LRRC39: variants seen among roughly 807,000 people sequenced by gnomAD.
LRRC39 encodes leucine rich repeat containing 39, also known as leucine-rich repeat-containing protein 39.
A neutral mutation model predicts 39.7 loss-of-function variants in LRRC39; 35 were observed. That is an observed-to-expected ratio of 0.88 (90% CI 0.67 to 1.17). The LOEUF (loss-of-function observed/expected upper bound fraction) is 1.17, where lower values mean the gene tolerates loss of function less well. LRRC39 is among the 50% of genes most tolerant of loss of function. LRRC39 has a pLI of 0.00. For missense variants in LRRC39, 357 were observed against 385.8 expected (o/e 0.93, Z 0.62); for synonymous variants, 113 against 134.1 (o/e 0.84, Z 1.09).
At chr1:100,171,382 T>C (rs906865988) in intron 2 of LRRC39, among the ~76,000 whole-genome samples, 1 of 152,038 alleles carries the variant, frequency 6.6e-6, no homozygotes, top group African/African-American at 2.4e-5. Context: ...GGGATTAAAG[T>C]AGCATGAAGT....
At chr1:100,151,816 G>A (rs571579) in intron 9 of LRRC39, among the ~76,000 whole-genome samples, 113,792 of 151,998 alleles carry the variant, frequency 0.75, 45,235 homozygotes, top group East Asian at 0.94. Flanking sequence ...GGCATGCACT[G>A]ATAGCCCCAG....
At chr1:100,159,522 A>C in intron 4 of LRRC39, 107 bp from the exon 5 acceptor site, 1 of 924,340 alleles carries the variant, frequency 1.1e-6, no homozygotes, top group Non-Finnish European at 1.5e-6. Context: ...GAATATTTGG[A>C]ATTTGTTTTC....
chr1:100,167,398 C>T (rs78501961), intron 3 of LRRC39, among the ~76,000 whole-genome samples: 2 of 152,260 alleles, frequency 1.3e-5, no homozygotes, highest in East Asian at 1.9e-4. Context: ...CCTCACTTCC[C>T]TATCGCCTAA....
In LRRC39 at chr1:100,151,954, A is replaced by AAAAC. The variant is rs369396255; in HGVS notation, c.952+427_952+430dup. 4.8e-3 allele frequency among the ~76,000 whole-genome samples: 731 copies of AAAAC among 152,150 alleles called. 8 individuals carry two copies. The highest frequency in any genetic ancestry group is 0.015 in the African/African-American group (630 of 41,482). ...CAACATAGTAAGACCTCATCTCTTTAAAACAAACAAACAAACAAACAAACA... is the reference window on the plus strand; with the variant it reads ...CAACATAGTAAGACCTCATCTCTTTAAAACAAACAAACAAACAAACAAACAAACA... On this transcript the variant is annotated intron_variant, in intron 9 of 9. Coordinates refer to ENST00000370137, the MANE Select transcript of LRRC39 (RefSeq NM_144620.4).
intron 7 of LRRC39, among the ~76,000 whole-genome samples, chr1:100,155,737 C>T (rs1658405105): frequency 6.6e-6 from 1 of 152,162 alleles, no homozygotes; most frequent in Non-Finnish European, 1.5e-5. Flanking sequence ...GGCCAGGCTG[C>T]CTAGGTTCAA....
chr1:100,179,031 T>C (rs1331344431), upstream of LRRC39, among the ~76,000 whole-genome samples: 2 of 152,230 alleles, frequency 1.3e-5, no homozygotes, highest in African/African-American at 4.8e-5. Flanking sequence ...ATATACATTG[T>C]TCTATACTGT....
At chr1:100,162,386 G>T (rs747140810) in intron 3 of LRRC39, among the ~76,000 whole-genome samples, 8 of 152,114 alleles carry the variant, frequency 5.3e-5, no homozygotes, top group Non-Finnish European at 1.0e-4. Context: ...AGGCACGGTG[G>T]CTCACACCTG....
At chr1:100,169,564 A>T (rs1194681332) in intron 2 of LRRC39, among the ~76,000 whole-genome samples, 1 of 152,122 alleles carries the variant, frequency 6.6e-6, no homozygotes, top group African/African-American at 2.4e-5. Context: ...CTAATATTTC[A>T]TCGGTAAACT....
At chr1:100,158,853 T>C (rs1359716411) in intron 5 of LRRC39, among the ~76,000 whole-genome samples, 2 of 143,854 alleles carry the variant, frequency 1.4e-5, no homozygotes, top group African/African-American at 5.4e-5. Flanking sequence ...ATCCGTGCAA[T>C]AGGAAAAAAA....
At chr1:100,165,873 C>CTTT (rs370682819) in intron 3 of LRRC39, among the ~76,000 whole-genome samples, 26 of 126,692 alleles carry the variant, frequency 2.1e-4, no homozygotes, top group South Asian at 5.0e-4. Flanking sequence ...TTTCCCCTTT[C>CTTT]TTTTTTTTTT....
chr1:100,171,851 T>G (rs1347730735), intron 2 of LRRC39, among the ~76,000 whole-genome samples: 2 of 152,026 alleles, frequency 1.3e-5, no homozygotes, highest in African/African-American at 2.4e-5. Flanking sequence ...GCTATCATCA[T>G]GAAATTAGAA....
chr1:100,160,807 G>A (rs1309378872), intron 3 of LRRC39, among the ~76,000 whole-genome samples: 1 of 151,870 alleles, frequency 6.6e-6, no homozygotes, highest in Non-Finnish European at 1.5e-5. Flanking sequence ...TGTATTTTTA[G>A]TAGAAACGGG....
At chr1:100,167,451 G>C (rs1395532174) in intron 3 of LRRC39, among the ~76,000 whole-genome samples, 1 of 152,050 alleles carries the variant, frequency 6.6e-6, no homozygotes, top group African/African-American at 2.4e-5. Context: ...AACTGACATC[G>C]GCAAATAACA....
chr1:100,167,824 A>AATG (rs200090512), intron 3 of LRRC39, among the ~76,000 whole-genome samples: 1 of 140,174 alleles, frequency 7.1e-6, no homozygotes, highest in East Asian at 2.0e-4. Context: ...TAATAATAAT[A>AATG]ATGATAGAAA....
chr1:100,168,944 A>C (rs1659422199), intron 2 of LRRC39, among the ~76,000 whole-genome samples: 1 of 152,070 alleles, frequency 6.6e-6, no homozygotes, highest in South Asian at 2.1e-4. Flanking sequence ...ATTTTTAAAA[A>C]GACTGGAATC....
rs766256036 is a variant in LRRC39, at chr1:100,148,994, A to T, written c.*48T>A. The T allele has an allele frequency of 3.4e-6, 5 of 1,460,002 alleles. No individual in the cohort carries two copies. In the Admixed American group the frequency reaches 1.2e-4, roughly 36 times the overall value. The allele number at this position is 1,460,002 out of a possible 1,614,324, so 90.4% of individuals were successfully genotyped here. A position where few individuals can be genotyped will look rare whatever the true frequency, so the allele number is the denominator to read the frequency against. On this transcript the variant is annotated 3_prime_UTR_variant, in exon 10 of 10. Transcript: ENST00000370137. ...TTTTTACTTCAGAAATCCAAACATT[A>T]GAGAATTCACCAAAGTAATCCTCTT...
chr1:100,155,335 G>C (rs191601452), intron 7 of LRRC39, 132 bp from the exon 8 acceptor site: 9 of 751,310 alleles, frequency 1.2e-5, no homozygotes, highest in Non-Finnish European at 1.7e-5. Context: ...CTGAGCTCAG[G>C]CTATTCTCCC....
chr1:100,169,099 G>A (rs1171075707), intron 2 of LRRC39, among the ~76,000 whole-genome samples: 1 of 151,926 alleles, frequency 6.6e-6, no homozygotes, highest in Non-Finnish European at 1.5e-5. Context: ...TCTCAGAAAT[G>A]AAAGGAAAAT....
chr1:100,160,667 C>T (rs1047666331), intron 3 of LRRC39, 96 bp from the exon 4 acceptor site: 19 of 985,836 alleles, frequency 1.9e-5, no homozygotes, highest in Admixed American at 9.5e-5. Flanking sequence ...CTCTTTTGCC[C>T]AGGCTGGAGT....
Sources: allele counts gnomAD v4.1 joint callset (sites outside exome capture counted in the v4.1 genomes callset), GRCh38; gene constraint gnomAD v4.1.1; transcripts MANE v1.5; gene names NCBI Gene and HGNC (gene_info 2026-07-23, HGNC 2026-07-21).